The following OPCML variants were observed in gnomAD, a reference collection of about 807,000 sequenced individuals.
The protein encoded by OPCML is opioid binding protein/cell adhesion molecule like.
In OPCML, 13 loss-of-function variants were observed where a neutral mutation model predicts 37.8. That is an observed-to-expected ratio of 0.34 (90% CI 0.22 to 0.55). The LOEUF (loss-of-function observed/expected upper bound fraction) is 0.55. Ranked by LOEUF, OPCML falls within the 20% of genes least tolerant of loss-of-function variation. The pLI, the probability that OPCML is intolerant of heterozygous loss-of-function variation, is 0.91. For missense variants in OPCML, 341 were observed against 435.6 expected, an observed-to-expected ratio of 0.78 and a Z score of 1.93; for synonymous variants, 176 against 168.8, an observed-to-expected ratio of 1.04 and a Z score of -0.33.
At chr11:133,192,736 T>C (rs1323295505) in intron 1 of OPCML, among the ~76,000 whole-genome samples, 1 of 152,212 alleles carries the variant, frequency 6.6e-6, no homozygotes, top group Non-Finnish European at 1.5e-5. Context: ...TCAGGACTGT[T>C]GTGAATATCA....
At chr11:133,214,411 A>G (rs1427678367) in intron 1 of OPCML, among the ~76,000 whole-genome samples, 1 of 152,212 alleles carries the variant, frequency 6.6e-6, no homozygotes, top group Non-Finnish European at 1.5e-5. Flanking sequence ...TTCAATGGGA[A>G]GCTCACTAGG....
intron 1 of OPCML, among the ~76,000 whole-genome samples, chr11:133,103,126 A>C (rs919674745): frequency 1.1e-4 from 16 of 152,212 alleles, no homozygotes; most frequent in African/African-American, 3.9e-4. Flanking sequence ...TTTTTCTAAT[A>C]GTGATCTGGG....
At chr11:132,712,083 T>C (rs1944287469) in intron 2 of OPCML, among the ~76,000 whole-genome samples, 1 of 152,166 alleles carries the variant, frequency 6.6e-6, no homozygotes, top group Non-Finnish European at 1.5e-5. Flanking sequence ...CCCTGTCCCA[T>C]AGGGTGGTGG....
At chr11:132,759,713 AATCT>A (rs144191705) in intron 2 of OPCML, among the ~76,000 whole-genome samples, 3,061 of 151,968 alleles carry the variant, frequency 0.02, 79 homozygotes, top group African/African-American at 0.067. Context: ...TCTGGCTAGC[AATCT>A]ATCTATTTTG....
Position 132,437,549 on chromosome 11 carries a change from TG to T in OPCML, c.506-191del, listed in dbSNP as rs904260785. On this transcript the variant is annotated intron_variant, in intron 4 of 7. Transcript: ENST00000524381. ...CAAAGGAAGAAAGAAATTCTGTGCT[TG>T]AGTCTTGCATCAATGTATTTTCAGT... is the stretch of plus-strand genomic sequence containing the variant. 9 of 858,206 alleles carry T rather than the reference TG, an allele frequency of 1.0e-5. No homozygotes were observed. The South Asian group carries it at 1.6e-4, about 15-fold the overall frequency. The allele number at this position is 858,206 out of a possible 1,614,324, so 53.2% of individuals were successfully genotyped here.
chr11:133,314,580 A>G (rs1943158639), intron 1 of OPCML, among the ~76,000 whole-genome samples: 1 of 151,520 alleles, frequency 6.6e-6, no homozygotes, highest in South Asian at 2.1e-4. Flanking sequence ...AAGAAAGAAA[A>G]GAAAAACACA....
At chr11:133,104,151 T>G (rs970845203) in intron 1 of OPCML, among the ~76,000 whole-genome samples, 1 of 152,200 alleles carries the variant, frequency 6.6e-6, no homozygotes, top group Non-Finnish European at 1.5e-5. Context: ...TGAGAGCGCA[T>G]GGATGGATGC....
intron 2 of OPCML, among the ~76,000 whole-genome samples, chr11:132,824,022 C>T (rs934778215): frequency 7.9e-5 from 12 of 152,182 alleles, no homozygotes; most frequent in Non-Finnish European, 2.9e-5. Context: ...AGGGTTCAAT[C>T]CTGAAACTCT....
At chr11:133,088,063 A>C (rs930334625) in intron 1 of OPCML, among the ~76,000 whole-genome samples, 1 of 152,242 alleles carries the variant, frequency 6.6e-6, no homozygotes, top group African/African-American at 2.4e-5. Flanking sequence ...ACTGCATAGA[A>C]GTACATATCA....
chr11:133,439,668 C>T (rs959585274), intron 1 of OPCML, among the ~76,000 whole-genome samples: 1 of 150,020 alleles, frequency 6.7e-6, no homozygotes, highest in African/African-American at 2.5e-5. Flanking sequence ...GGGGTTTCAC[C>T]GTTTTAGCCA....
At chr11:133,409,228 C>T (rs562199221) in intron 1 of OPCML, among the ~76,000 whole-genome samples, 8 of 152,214 alleles carry the variant, frequency 5.3e-5, no homozygotes, top group Non-Finnish European at 8.8e-5. Context: ...TGCCAGAACT[C>T]ATCTTCAGAC....
intron 1 of OPCML, chr11:133,008,178 C>T (rs1947148548): frequency 1.0e-6 from 1 of 985,308 alleles, no homozygotes; most frequent in Non-Finnish European, 1.2e-6. Flanking sequence ...ACCAAGAACC[C>T]TTGGGTCATT....
chr11:133,422,530 C>T lies in OPCML; in HGVS notation c.61+109734G>A, dbSNP rs77462890. On this transcript the variant is annotated intron_variant, in intron 1 of 7. Coordinates refer to ENST00000524381, the MANE Select transcript of OPCML (RefSeq NM_001012393.5). The stretch of plus-strand genomic sequence containing the variant: ...CATTTCTGTTTTTAGAGACGGGGTC[C>T]TGCTCTACCGCCCAGGCTGGAGTGC... 16,159 of 974,442 alleles carry T rather than the reference C, an allele frequency of 0.017. 1,416 individuals are homozygous for T. The African/African-American group carries it at 0.22, about 13-fold the overall frequency. The allele number at this position is 974,442 out of a possible 1,614,324, so 60.4% of individuals were successfully genotyped here.
At chr11:132,425,866 A>T (rs1022923045) in intron 7 of OPCML, among the ~76,000 whole-genome samples, 2 of 152,236 alleles carry the variant, frequency 1.3e-5, no homozygotes, top group Admixed American at 6.5e-5. Context: ...TCTGTGGGCA[A>T]ATGCCACATT....
intron 1 of OPCML, among the ~76,000 whole-genome samples, chr11:133,183,464 T>A (rs181676146): frequency 6.6e-6 from 1 of 152,334 alleles, no homozygotes; most frequent in Admixed American, 6.5e-5. Flanking sequence ...GAAATAAGAC[T>A]TTGCTAGTAT....
intron 4 of OPCML, among the ~76,000 whole-genome samples, chr11:132,441,402 T>TCGTGATC (rs1367194023): frequency 5.9e-5 from 9 of 151,792 alleles, no homozygotes; most frequent in African/African-American, 1.5e-4. Flanking sequence ...TCTCCTGACC[T>TCGTGATC]CGTGATCCGC....
In OPCML at chr11:132,643,679, A is replaced by C. The variant is rs188006608; in HGVS notation, c.379+13408T>G. ...TCCCTTATCACCTTTTACTTTCCCAAATCTCCCAGGCAGGAGCCCCACTCC... is the reference window on the plus strand; with the variant it reads ...TCCCTTATCACCTTTTACTTTCCCACATCTCCCAGGCAGGAGCCCCACTCC... On this transcript the variant is annotated intron_variant, in intron 3 of 7. Coordinates refer to ENST00000524381, the MANE Select transcript of OPCML (RefSeq NM_001012393.5). Among the ~76,000 whole-genome samples, 3 of 151,958 alleles carry C rather than the reference A, an allele frequency of 2.0e-5. No homozygotes were observed. The East Asian group carries it at 5.8e-4, about 30-fold the overall frequency.
chr11:132,483,441 TC>T (rs2096187987), intron 4 of OPCML, among the ~76,000 whole-genome samples: 1 of 151,972 alleles, frequency 6.6e-6, no homozygotes, highest in Non-Finnish European at 1.5e-5. Context: ...GGAAGAACAT[TC>T]CATGCTCGTG....
chr11:133,279,493 C>T (rs1240698305), intron 1 of OPCML, among the ~76,000 whole-genome samples: 1 of 152,160 alleles, frequency 6.6e-6, no homozygotes, highest in Non-Finnish European at 1.5e-5. Flanking sequence ...GGCTAAAGAC[C>T]GTAGGCAGAA....
Sources: allele counts gnomAD v4.1 joint callset (sites outside exome capture counted in the v4.1 genomes callset), GRCh38; gene constraint gnomAD v4.1.1; transcripts MANE v1.5; gene names NCBI Gene and HGNC (gene_info 2026-07-23, HGNC 2026-07-21).